The following H4C15 variants were observed in gnomAD, a reference collection of about 807,000 sequenced individuals.
The protein encoded by H4C15 is H4 clustered histone 15.
chr1:149,844,750 A>C, the H4C15 span: 7 of 151,920 alleles, frequency 4.6e-5, no homozygotes, highest in Non-Finnish European at 4.4e-5. Flanking sequence ...CCAATTAAAA[A>C]CAGATTTTTT....
At chr1:149,855,767 T>TGTGTGAGA (rs1224184289), downstream of H4C15, among the ~76,000 whole-genome samples, 1 of 20,462 alleles carries the variant, frequency 4.9e-5, no homozygotes, top group Non-Finnish European at 8.9e-5. Context: ...TGTGTGTGTG[T>TGTGTGAGA]GAGAGAGAGA....
the H4C15 span, chr1:149,846,053 T>G: frequency 6.6e-6 from 1 of 152,144 alleles, no homozygotes; most frequent in African/African-American, 2.4e-5. Flanking sequence ...GTTTGTAAGA[T>G]CTCATATCAG....
At chr1:149,846,728 C>T in the H4C15 span, 1 of 152,164 alleles carries the variant, frequency 6.6e-6, no homozygotes, top group African/African-American at 2.4e-5. Context: ...AATATGGTGG[C>T]ATGTCTCTTA....
downstream of H4C15, among the ~76,000 whole-genome samples, chr1:149,855,384 G>GGGGTGT (rs1553757834): frequency 1.4e-5 from 2 of 139,184 alleles, no homozygotes; most frequent in South Asian, 2.3e-4. Flanking sequence ...GTGGGGGACA[G>GGGGTGT]GTGTGTGTGT....
At chr1:149,850,625 T>C (rs2092174497), downstream of H4C15, 4 of 515,236 alleles carry the variant, frequency 7.8e-6, no homozygotes, top group Non-Finnish European at 1.3e-5. Context: ...GGTGTCGGGG[T>C]GGACCCGCTT....
At chr1:149,850,327 A>C (rs1339049130), downstream of H4C15, 14 of 1,221,192 alleles carry the variant, frequency 1.1e-5, no homozygotes, top group Non-Finnish European at 1.5e-5. Flanking sequence ...CTTTGGAGAC[A>C]AAGCAGCCGG....
downstream of H4C15, chr1:149,850,448 C>T (rs2092172274): frequency 8.8e-7 from 1 of 1,136,834 alleles, no homozygotes; most frequent in South Asian, 1.3e-5. Context: ...ACACGGCGTG[C>T]TTGGCCAGCT....
At chr1:149,850,260 A>T, downstream of H4C15, 1 of 1,201,438 alleles carries the variant, frequency 8.3e-7, no homozygotes, top group Non-Finnish European at 1.2e-6. Flanking sequence ...ATCAACTGGG[A>T]CTGACAACAC....
At chr1:149,846,366 T>C in the H4C15 span, 3 of 152,230 alleles carry the variant, frequency 2.0e-5, no homozygotes, top group African/African-American at 7.2e-5. Flanking sequence ...AGTTTACATA[T>C]GCTATTATCA....
At chr1:149,845,872 G>A in the H4C15 span, 2 of 152,202 alleles carry the variant, frequency 1.3e-5, no homozygotes, top group Non-Finnish European at 2.9e-5. Context: ...CTGAGCACTT[G>A]AAAAGAGCTG....
the H4C15 span, chr1:149,847,061 TA>T: frequency 6.6e-6 from 1 of 152,202 alleles, no homozygotes; most frequent in East Asian, 1.9e-4. Flanking sequence ...TCTAGAGGTT[TA>T]TTTCTGGTTT....
At chr1:149,850,269 A>T (rs1553757590), downstream of H4C15, 7 of 1,301,468 alleles carry the variant, frequency 5.4e-6, no homozygotes. Flanking sequence ...GACTGACAAC[A>T]CAAGAAAGAT....
At chr1:149,847,770 A>G in the H4C15 span, 3 of 152,292 alleles carry the variant, frequency 2.0e-5, no homozygotes, top group African/African-American at 7.2e-5. Context: ...ATGCCACTGC[A>G]CTCCAGCCTG....
downstream of H4C15, among the ~76,000 whole-genome samples, chr1:149,855,384 G>GGTGT (rs1162535434): frequency 0.2 from 27,908 of 138,598 alleles, 1,792 homozygotes; most frequent in Non-Finnish European, 0.22. Flanking sequence ...GTGGGGGACA[G>GGTGT]GTGTGTGTGT....
At chr1:149,850,621 G>C, downstream of H4C15, 3 of 523,290 alleles carry the variant, frequency 5.7e-6, no homozygotes, top group South Asian at 4.1e-5. Context: ...TGCCGGTGTC[G>C]GGGTGGACCC....
At chr1:149,849,319 AC>A (rs2092159323), downstream of H4C15, among the ~76,000 whole-genome samples, 1 of 152,210 alleles carries the variant, frequency 6.6e-6, no homozygotes, top group African/African-American at 2.4e-5. Flanking sequence ...ATTTTTAGTA[AC>A]TTCAAGTAAT....
At chr1:149,846,466 T>C in the H4C15 span, 1 of 152,184 alleles carries the variant, frequency 6.6e-6, no homozygotes, top group Non-Finnish European at 1.5e-5. Flanking sequence ...AAAAATAAAA[T>C]ACATTATGAA....
chr1:149,849,900 C>T (rs1161400607), downstream of H4C15, among the ~76,000 whole-genome samples: 1 of 152,228 alleles, frequency 6.6e-6, no homozygotes, highest in Non-Finnish European at 1.5e-5. Context: ...TTTAAGTACA[C>T]ATCTGAGAGC....
chr1:149,847,545 A>C, the H4C15 span: 2 of 152,328 alleles, frequency 1.3e-5, no homozygotes, highest in Non-Finnish European at 2.9e-5. Context: ...GCAGTGGCTC[A>C]CATCTGTAAT....
Sources: allele counts gnomAD v4.1 joint callset (sites outside exome capture counted in the v4.1 genomes callset), GRCh38; gene constraint gnomAD v4.1.1; transcripts MANE v1.5; gene names NCBI Gene and HGNC (gene_info 2026-07-23, HGNC 2026-07-21).